The following TSPAN5 variants were observed in gnomAD, a reference collection of about 807,000 sequenced individuals.
The protein encoded by TSPAN5 is tetraspanin-5.
TSPAN5 carries 10 observed loss-of-function variants against 37.1 expected under a neutral mutation model. The observed-to-expected ratio is 0.27, with a 90% CI of 0.17 to 0.46. TSPAN5 has a LOEUF of 0.46. TSPAN5 is among the 20% of genes least tolerant of loss of function. TSPAN5 has a pLI of 1.00. For synonymous variants in TSPAN5, 110 were observed against 118.9 expected, an observed-to-expected ratio of 0.93 and a Z score of 0.48; for missense variants, 195 against 326.6, an observed-to-expected ratio of 0.60 and a Z score of 3.11.
chr4:98,648,542 GC>G (rs1183355256), intron 1 of TSPAN5, among the ~76,000 whole-genome samples: 1 of 152,214 alleles, frequency 6.6e-6, no homozygotes, highest in Non-Finnish European at 1.5e-5. Flanking sequence ...CAAACTAGTT[GC>G]AGCACCAGAG....
In TSPAN5 at chr4:98,476,414, G is replaced by A; in HGVS notation, c.623C>T (p.Pro208Leu). The A allele has an allele frequency of 6.2e-7, 1 of 1,614,164 alleles. No homozygotes were observed. The highest frequency in any genetic ancestry group is 8.5e-7 in the Non-Finnish European group (1 of 1,180,016). ...GCAACAACATGAGATTCCACTTACTGGTTTTTGCCTGGCATCATAGCCACA... is the reference window on the plus strand; with the variant it reads ...GCAACAACATGAGATTCCACTTACTAGTTTTTGCCTGGCATCATAGCCACA... ...TQCGYDARQK[P>L]EVDQQIVIYT... The change falls in exon 6 of 8, where the codon CCA (proline) becomes CTA (leucine). Residue 208 changes from proline (P) to leucine (L), a missense_variant and splice_region_variant. Coordinates refer to ENST00000305798, the MANE Select transcript of TSPAN5 (RefSeq NM_005723.4).
At position 98,521,165 on chromosome 4, in the gene TSPAN5, C is replaced by T. The variant is rs780119228; in HGVS notation, c.82-13437G>A. Among the ~76,000 whole-genome samples, 107 of 152,166 alleles carry T rather than the reference C, an allele frequency of 7.0e-4. 1 individual carries two copies. Among genetic ancestry groups the T allele is most frequent in the Non-Finnish European group, 3.8e-4 (26 of 68,038 alleles). ...CAGGCGGGTCTTGAACTCCTGACTT[C>T]GTGATCCACCTGCCTCGGCTTCCCA... is the stretch of plus-strand genomic sequence containing the variant. On this transcript the variant is annotated intron_variant, in intron 1 of 7. Coordinates refer to ENST00000305798, the MANE Select transcript of TSPAN5 (RefSeq NM_005723.4).
chr4:98,528,612 A>T (rs114961092), intron 1 of TSPAN5, among the ~76,000 whole-genome samples: 2 of 152,174 alleles, frequency 1.3e-5, no homozygotes, highest in African/African-American at 4.8e-5. Flanking sequence ...ACCCAAAGTC[A>T]GCCATACTTA....
intron 1 of TSPAN5, among the ~76,000 whole-genome samples, chr4:98,613,371 T>A (rs1403220714): frequency 2.6e-5 from 4 of 152,206 alleles, no homozygotes; most frequent in Admixed American, 2.6e-4. Context: ...TCCAGATATG[T>A]TTACTAGACC....
chr4:98,512,041 C>T (rs563933893), intron 1 of TSPAN5, among the ~76,000 whole-genome samples: 3 of 152,110 alleles, frequency 2.0e-5, no homozygotes, highest in African/African-American at 4.8e-5. Flanking sequence ...GGTAAAACCC[C>T]GTCTCTACTA....
At chr4:98,521,985 G>A (rs184411524) in intron 1 of TSPAN5, among the ~76,000 whole-genome samples, 3 of 152,256 alleles carry the variant, frequency 2.0e-5, no homozygotes, top group Non-Finnish European at 4.4e-5. Context: ...ATTTTAAAGT[G>A]TTCTAATTTA....
intron 1 of TSPAN5, among the ~76,000 whole-genome samples, chr4:98,565,175 G>C (rs17027731): frequency 0.015 from 2,252 of 152,282 alleles, 143 homozygotes; most frequent in Admixed American, 0.11. Flanking sequence ...ATTTGCATGA[G>C]TAGATAGAGG....
rs115190334 is a variant in TSPAN5, at chr4:98,590,228, A to G, written c.81+67918T>C. The stretch of plus-strand genomic sequence containing the variant: ...TGAATAGGGTGCTGCTAGGCATACA[A>G]TTTATGTGAAATAGGGACCTGAGCC... On this transcript the variant is annotated intron_variant, in intron 1 of 7. Transcript: ENST00000305798. Among the ~76,000 whole-genome samples the G allele has an allele frequency of 7.2e-3, 1,098 of 152,294 alleles. 11 individuals are homozygous for G. Among genetic ancestry groups the G allele is most frequent in the African/African-American group, 0.025 (1,036 of 41,548 alleles).
At chr4:98,564,491 A>C in intron 1 of TSPAN5, among the ~76,000 whole-genome samples, 1 of 152,226 alleles carries the variant, frequency 6.6e-6, no homozygotes, top group East Asian at 1.9e-4. Flanking sequence ...ATCAGAAGCT[A>C]AATATAGGTG....
chr4:98,598,103 G>A (rs1280776729), intron 1 of TSPAN5, among the ~76,000 whole-genome samples: 2 of 104,818 alleles, frequency 1.9e-5, no homozygotes, highest in Non-Finnish European at 3.6e-5. Context: ...CGTGGGCGTA[G>A]GACCCTCTGA....
At chr4:98,552,325 A>AT (rs1474609731) in intron 1 of TSPAN5, among the ~76,000 whole-genome samples, 6 of 152,184 alleles carry the variant, frequency 3.9e-5, no homozygotes, top group African/African-American at 1.4e-4. Context: ...TGATGTAGGC[A>AT]TTTAGTGCTA....
chr4:98,579,319 C>G (rs1206662113), intron 1 of TSPAN5, among the ~76,000 whole-genome samples: 2 of 152,220 alleles, frequency 1.3e-5, no homozygotes, highest in Non-Finnish European at 2.9e-5. Flanking sequence ...TCACCCTCCA[C>G]AAACCTATGC....
At chr4:98,515,638 G>A (rs768344720) in intron 1 of TSPAN5, among the ~76,000 whole-genome samples, 22 of 151,964 alleles carry the variant, frequency 1.4e-4, no homozygotes, top group Admixed American at 3.3e-4. Context: ...ATGTGACCTG[G>A]GATTAGATAA....
intron 1 of TSPAN5, among the ~76,000 whole-genome samples, chr4:98,566,784 G>T (rs1306246300): frequency 1.3e-5 from 2 of 152,192 alleles, no homozygotes; most frequent in South Asian, 2.1e-4. Context: ...AAAACATGAC[G>T]CAAGACCCAT....
chr4:98,636,730 A>C (rs1041306508), intron 1 of TSPAN5, among the ~76,000 whole-genome samples: 2 of 152,258 alleles, frequency 1.3e-5, no homozygotes, highest in African/African-American at 4.8e-5. Flanking sequence ...TGGATGACAA[A>C]TATACTGGAC....
intron 1 of TSPAN5, among the ~76,000 whole-genome samples, chr4:98,572,602 T>C (rs549995792): frequency 6.6e-6 from 1 of 152,342 alleles, no homozygotes; most frequent in Non-Finnish European, 1.5e-5. Context: ...AAAGAGTTCA[T>C]TCAAAGTGAT....
chr4:98,636,903 C>T (rs1277632776), intron 1 of TSPAN5, among the ~76,000 whole-genome samples: 1 of 152,184 alleles, frequency 6.6e-6, no homozygotes, highest in Non-Finnish European at 1.5e-5. Context: ...GTCTTTTGGT[C>T]TCCCTAGGCC....
At chr4:98,541,379 G>C (rs534116678) in intron 1 of TSPAN5, among the ~76,000 whole-genome samples, 1 of 152,150 alleles carries the variant, frequency 6.6e-6, no homozygotes, top group African/African-American at 2.4e-5. Context: ...TCTTCCATAA[G>C]AAAATGTGGG....
At chr4:98,649,427 G>A (rs1757137495) in intron 1 of TSPAN5, among the ~76,000 whole-genome samples, 1 of 152,162 alleles carries the variant, frequency 6.6e-6, no homozygotes, top group Admixed American at 6.5e-5. Context: ...CTTCTGATTA[G>A]CATATAGCTT....
Sources: gnomAD v4.1 joint callset for allele counts (sites outside exome capture counted in the v4.1 genomes callset) on GRCh38, gnomAD v4.1.1 for gene constraint, MANE v1.5 for transcripts, NCBI Gene and HGNC (gene_info 2026-07-23, HGNC 2026-07-21) for gene names.